ATG2A: variants seen among roughly 807,000 people sequenced by gnomAD.
ATG2A encodes the protein autophagy-related protein 2 homolog A.
Under a neutral mutation model 214.2 loss-of-function variants are expected in ATG2A, and 103 were observed. That is an observed-to-expected ratio of 0.48 (90% CI 0.41 to 0.57). The LOEUF (loss-of-function observed/expected upper bound fraction) is 0.57. Ranked by LOEUF, ATG2A falls within the 20% of genes least tolerant of loss-of-function variation. The pLI is 0.00. For synonymous variants in ATG2A, 1,160 were observed against 1,142.1 expected (o/e 1.02, Z -0.32); for missense variants, 2,312 against 2,613.2 (o/e 0.88, Z 2.51).
rs144918427 is a variant in ATG2A at position 64,898,113 on chromosome 11, C to T, written c.4831G>A (p.Val1611Met). The T allele has an allele frequency of 2.3e-5, 37 of 1,613,964 alleles. No homozygotes were observed. The highest frequency in any genetic ancestry group is 6.6e-5 in the South Asian group (6 of 91,088). Residue 1611 changes from valine (V) to methionine (M), a missense_variant, in exon 34 of 41, where the codon GTG (valine) becomes ATG (methionine). Coordinates refer to ENST00000377264, the MANE Select transcript of ATG2A (RefSeq NM_015104.3). This position sits in a 1 kb window ranked among gnomAD's most constrained non-coding sequence, Gnocchi z 4.5. Reference protein sequence around the residue: ...FTSLVAGINPVVPGETSAEAR... With the variant: ...FTSLVAGINPMVPGETSAEAR... ...TCAGCGGAGGTCTCCCCTGGGACCA[C>T]GGGGTTGATGCCGGCCACCAGACTA...
chr11:64,904,816 T>TTATTTTATCTATC (rs774560438), intron 24 of ATG2A, among the ~76,000 whole-genome samples: 5,691 of 145,196 alleles, frequency 0.039, 131 homozygotes, highest in South Asian at 0.074. Flanking sequence ...TCTATATTTT[T>TTATTTTATCTATC]TATCTATCTA....
intron 37 of ATG2A, chr11:64,897,084 G>A: frequency 6.9e-6 from 5 of 729,336 alleles, no homozygotes; most frequent in Non-Finnish European, 1.1e-5. Flanking sequence ...GAAGTGGTGC[G>A]ATCTTGGCTC....
intron 19 of ATG2A, 124 bp downstream of exon 19, chr11:64,907,113 AGGCTGGCGTGGGTGGGCT>A: frequency 9.8e-7 from 1 of 1,024,150 alleles, no homozygotes; most frequent in Admixed American, 3.0e-5. Context: ...CAGGGTGGGC[AGGCTGGCGTGGGTGGGCT>A]GGCGCTGCCC....
chr11:64,905,923 G>A, intron 22 of ATG2A, 75 bp from the exon 23 acceptor site: 2 of 1,472,866 alleles, frequency 1.4e-6, no homozygotes, highest in Non-Finnish European at 9.4e-7. Context: ...CCCTGTCCTG[G>A]CCCCTGCCTG....
Position 64,907,351 on chromosome 11 carries a change from G to A in ATG2A, c.2736C>T (p.Ala912=), listed in dbSNP as rs759704840. The change falls in exon 19 of 41, where the codon GCC becomes GCT. Residue 912 remains alanine, a synonymous_variant. Coordinates refer to ENST00000377264, the MANE Select transcript of ATG2A (RefSeq NM_015104.3). ...FSVGASGGPQ[A]AAPEAPSLHL... ...GAAGACTTGGGGCCTCAGGGGCAGCGGCCTGTGGGCCACCTGATGCCCCCA... is the reference window on the plus strand; with the variant it reads ...GAAGACTTGGGGCCTCAGGGGCAGCAGCCTGTGGGCCACCTGATGCCCCCA... The A allele has an allele frequency of 1.1e-5, 17 of 1,556,800 alleles. No individual in the cohort carries two copies. The highest frequency in any genetic ancestry group is 5.8e-5 in the Admixed American group (3 of 51,616).
At chr11:64,899,642 C>T (rs894592998) in intron 31 of ATG2A, among the ~76,000 whole-genome samples, 25 of 152,126 alleles carry the variant, frequency 1.6e-4, no homozygotes, top group Non-Finnish European at 3.5e-4. Context: ...TCTCACACAC[C>T]CCATCCGCAG....
intron 7 of ATG2A, 28 bp from the exon 8 acceptor site, chr11:64,912,277 C>A: frequency 6.2e-7 from 1 of 1,608,464 alleles, no homozygotes; most frequent in Non-Finnish European, 8.5e-7. Flanking sequence ...TCAGTCTGGG[C>A]TGGCTGGCCC....
chr11:64,914,508 C>T lies in ATG2A; in HGVS notation c.172-8G>A, dbSNP rs369051335. The T allele has an allele frequency of 2.7e-4, 432 of 1,610,952 alleles. No individual in the cohort carries two copies. Among genetic ancestry groups the T allele is most frequent in the Non-Finnish European group, 3.5e-4 (411 of 1,179,060 alleles). On this transcript the variant is annotated splice_region_variant and splice_polypyrimidine_tract_variant and intron_variant, in intron 1 of 40. Transcript: ENST00000377264. The stretch of plus-strand genomic sequence containing the variant: ...CAGCACCTCGTTCACAGACTGGGAG[C>T]AAGCAAGAGACAAAACCAGCTCAGG...
At position 64,904,609 on chromosome 11, in the gene ATG2A, A is replaced by G. The variant is rs1433545482; in HGVS notation, c.3465-949T>C. 2.0e-5 allele frequency among the ~76,000 whole-genome samples: 3 copies of G among 152,164 alleles called. No individual in the cohort carries two copies. In the East Asian group the frequency reaches 5.8e-4, roughly 29 times the overall value. ...AACATAATGAAAACTCCTTTAAGATATTTTAGAATAAAGAAAATAAAAATC... is the reference window on the plus strand; with the variant it reads ...AACATAATGAAAACTCCTTTAAGATGTTTTAGAATAAAGAAAATAAAAATC... On this transcript the variant is annotated intron_variant, in intron 24 of 40. Transcript: ENST00000377264.
intron 27 of ATG2A, 28 bp downstream of exon 27, chr11:64,902,488 A>G (rs1565747658): frequency 2.0e-6 from 3 of 1,532,220 alleles, no homozygotes; most frequent in Middle Eastern, 2.3e-4. Context: ...GAGCTCTGGT[A>G]GCCTGTGTGG....
chr11:64,902,959 C>G (rs1295883073), intron 26 of ATG2A, among the ~76,000 whole-genome samples: 2 of 145,386 alleles, frequency 1.4e-5, no homozygotes. Context: ...GCATGCCTAG[C>G]GAGGCAGGGC....
Position 64,913,726 on chromosome 11 carries a change from C to A in ATG2A, c.590+95G>T. ...CCGAGGCCCATCCAGATCCACCCTG[C>A]CTCTTCCCAGGAACCTAGGCTGCGG... On this transcript the variant is annotated intron_variant, in intron 4 of 40. Transcript: ENST00000377264. The surrounding 1 kb of genome is among the most constrained non-coding windows in gnomAD (Gnocchi z 4.3). 7.8e-7 allele frequency: 1 copy of A among 1,283,282 alleles called. No individual in the cohort carries two copies. The highest frequency in any genetic ancestry group is 1.1e-6 in the Non-Finnish European group (1 of 902,162). 79.5% of individuals were successfully genotyped at this position (1,283,282 alleles called of 1,614,324 possible). A position where few individuals can be genotyped will look rare whatever the true frequency, so the allele number is the denominator to read the frequency against.
chr11:64,897,277 C>A, intron 37 of ATG2A, 135 bp downstream of exon 37: 1 of 1,063,758 alleles, frequency 9.4e-7, no homozygotes. Context: ...GCCCAGCCAA[C>A]TGCGTCCTTT....
At chr11:64,904,552 A>AT (rs1944471375) in intron 24 of ATG2A, among the ~76,000 whole-genome samples, 1 of 152,060 alleles carries the variant, frequency 6.6e-6, no homozygotes, top group African/African-American at 2.4e-5. Flanking sequence ...TCAAAAAAAA[A>AT]AAATAAATAA....
Position 64,903,720 on chromosome 11 carries a change from A to T in ATG2A, c.3465-60T>A. On this transcript the variant is annotated intron_variant, in intron 24 of 40. Transcript: ENST00000377264. This position sits in a 1 kb window ranked among gnomAD's most constrained non-coding sequence, Gnocchi z 4.2. ...CCGCTGCAGGGGGCAGCTCCACGGG[A>T]GCCGAGCAGAGGGGTCCCAAGCCCA... The T allele has an allele frequency of 6.7e-7, 1 of 1,493,444 alleles. No homozygotes were observed. The highest frequency in any genetic ancestry group is 9.1e-7 in the Non-Finnish European group (1 of 1,104,164). 92.5% of individuals were successfully genotyped at this position (1,493,444 alleles called of 1,614,324 possible).
intron 27 of ATG2A, 49 bp from the exon 28 acceptor site, chr11:64,902,435 C>T: frequency 6.5e-7 from 1 of 1,529,272 alleles, no homozygotes; most frequent in South Asian, 1.2e-5. Flanking sequence ...CAGAGCTCCC[C>T]CAACCCCAGG....
chr11:64,913,082 G>T lies in ATG2A; in HGVS notation c.781C>A (p.Leu261Met), dbSNP rs757488378. 1 of 1,574,878 alleles carries T rather than the reference G, an allele frequency of 6.3e-7. No homozygotes were observed. The highest frequency in any genetic ancestry group is 8.6e-7 in the Non-Finnish European group (1 of 1,159,196). ...QIGSCSGYME[L>M]MVKLKQNEAF... is the part of the protein sequence containing the mutation. The stretch of plus-strand genomic sequence containing the variant: ...TCATTTTGCTTCAACTTCACCATCA[G>T]CTCCATGTACCCTGAGCAGCTGCCG... Residue 261 changes from leucine to methionine, a missense_variant, in exon 6 of 41, where the codon CTG (leucine) becomes ATG (methionine). Physicochemically the swap from Leu to Met is conservative, Grantham distance 15 (BLOSUM62 2). Coordinates refer to ENST00000377264, the MANE Select transcript of ATG2A (RefSeq NM_015104.3). This position sits in a 1 kb window ranked among gnomAD's most constrained non-coding sequence, Gnocchi z 4.3.
rs753851225 is a variant in ATG2A, at chr11:64,910,666, G to T, written c.1657C>A (p.Arg553=). ...PGTLGSQASA[R]PCAHLRHTQI... is the part of the protein sequence containing the mutation. ...GTGTGGCGCAGATGGGCGCAGGGCC[G>T]AGCTGAGGCCTGGGAGCCCAGCGTA... Residue 553 remains arginine (R), a synonymous_variant, in exon 12 of 41, where the codon CGG becomes AGG. Transcript: ENST00000377264. 7 of 1,610,014 alleles carry T rather than the reference G, an allele frequency of 4.3e-6. No homozygotes were observed. The highest frequency in any genetic ancestry group is 4.2e-6 in the Non-Finnish European group (5 of 1,178,472).
Position 64,911,207 on chromosome 11 carries a change from C to T in ATG2A, c.1297G>A (p.Gly433Ser), listed in dbSNP as rs1462433728. 8 of 1,613,970 alleles carry T rather than the reference C, an allele frequency of 5.0e-6. No homozygotes were observed. Among genetic ancestry groups the T allele is most frequent in the South Asian group, 1.1e-5 (1 of 91,080 alleles). ...GTCTGAAGCAAGGTCAGGGTCACAC[C>T]CCCCAAGGTCATCTTCAGCAGCGAG... is the stretch of plus-strand genomic sequence containing the variant. ...PDSLLKMTLG[G>S]VTLTLLQTSA... is the part of the protein sequence containing the mutation. The change falls in exon 10 of 41, where the codon GGT becomes AGT. Residue 433 changes from glycine to serine, a missense_variant. Coordinates refer to ENST00000377264, the MANE Select transcript of ATG2A (RefSeq NM_015104.3).
Sources: gnomAD v4.1 joint callset for allele counts (sites outside exome capture counted in the v4.1 genomes callset) on GRCh38, gnomAD v4.1.1 for gene constraint, Gnocchi (gnomAD v3.1) non-coding constraint, MANE v1.5 for transcripts, NCBI Gene and HGNC (gene_info 2026-07-23, HGNC 2026-07-21) for gene names.